Variants in RBMS3 observed in about 807,000 individuals in gnomAD.
RBMS3 encodes the protein RNA binding motif single stranded interacting protein 3.
RBMS3 carries 27 observed loss-of-function variants against 66.8 expected under a neutral mutation model. The ratio of observed to expected loss-of-function variants is 0.40; its 90% CI spans 0.30 to 0.56. The LOEUF (loss-of-function observed/expected upper bound fraction) is 0.56, where lower values mean the gene tolerates loss of function less well. Among genes scored for constraint, RBMS3 ranks in the 20% least tolerant of loss-of-function variants. The pLI is 0.40. For missense variants in RBMS3, 513 were observed against 549.5 expected (o/e 0.93, Z 0.66); for synonymous variants, 188 against 183.0 (o/e 1.03, Z -0.22).
chr3:29,306,159 T>C (rs2033997938), intron 1 of RBMS3, among the ~76,000 whole-genome samples: 1 of 151,948 alleles, frequency 6.6e-6, no homozygotes, highest in African/African-American at 2.4e-5. Flanking sequence ...GTTCCTTGTT[T>C]TCATAATTGC....
intron 4 of RBMS3, among the ~76,000 whole-genome samples, chr3:29,605,636 G>C (rs1367960106): frequency 6.6e-6 from 1 of 151,936 alleles, no homozygotes; most frequent in Non-Finnish European, 1.5e-5. Context: ...TATTTCATAA[G>C]TTGATGAACT....
chr3:29,828,977 A>ACTTTCTTTCTTTCTTTCTTT (rs368382303), intron 6 of RBMS3, among the ~76,000 whole-genome samples: 57 of 98,692 alleles, frequency 5.8e-4, no homozygotes, highest in East Asian at 1.5e-3. Flanking sequence ...TTAGCGAGTG[A>ACTTTCTTTCTTTCTTTCTTT]CTTTCTTTCT....
intron 5 of RBMS3, among the ~76,000 whole-genome samples, chr3:29,762,412 A>G (rs1185682725): frequency 6.6e-6 from 1 of 152,152 alleles, no homozygotes; most frequent in Non-Finnish European, 1.5e-5. Context: ...CTTTTGTGAA[A>G]TCCATCAGCA....
intron 4 of RBMS3, among the ~76,000 whole-genome samples, chr3:29,606,142 G>T (rs773278523): frequency 4.0e-5 from 6 of 151,646 alleles, no homozygotes; most frequent in Admixed American, 3.3e-4. Flanking sequence ...TAAGTCTTTA[G>T]GTTGCTTAAT....
intron 12 of RBMS3, among the ~76,000 whole-genome samples, chr3:29,956,127 A>G (rs1696026623): frequency 6.6e-6 from 1 of 152,120 alleles, no homozygotes; most frequent in African/African-American, 2.4e-5. Context: ...ATAATCTTCA[A>G]GCTACTTTCC....
intron 14 of RBMS3, among the ~76,000 whole-genome samples, chr3:29,995,309 G>C (rs374298808): frequency 6.6e-6 from 1 of 152,148 alleles, no homozygotes; most frequent in Non-Finnish European, 1.5e-5. Context: ...GAAAGTGATG[G>C]GGAGAATGGA....
At chr3:29,927,323 G>T (rs1192843391) in intron 10 of RBMS3, 1 of 152,182 alleles carries the variant, frequency 6.6e-6, no homozygotes, top group Non-Finnish European at 1.5e-5. Flanking sequence ...AAAGTCATCA[G>T]AGACCTGCTG....
At chr3:29,628,244 T>C (rs2049143772) in intron 4 of RBMS3, among the ~76,000 whole-genome samples, 2 of 152,178 alleles carry the variant, frequency 1.3e-5, no homozygotes, top group Admixed American at 6.6e-5. Context: ...GAGTTCATGA[T>C]TTTGTGTAAA....
chr3:29,316,454 G>T (rs2034682273), intron 1 of RBMS3, among the ~76,000 whole-genome samples: 2 of 151,548 alleles, frequency 1.3e-5, no homozygotes, highest in Admixed American at 1.3e-4. Flanking sequence ...AACTTCATAT[G>T]GTAGTTACTA....
chr3:29,625,718 A>G (rs1179487425), intron 4 of RBMS3, among the ~76,000 whole-genome samples: 2 of 148,750 alleles, frequency 1.3e-5, no homozygotes, highest in Non-Finnish European at 3.0e-5. Flanking sequence ...ATAAATAAAT[A>G]AATAAATAAA....
At chr3:29,399,763 G>A (rs751371968) in intron 1 of RBMS3, among the ~76,000 whole-genome samples, 1 of 152,096 alleles carries the variant, frequency 6.6e-6, no homozygotes, top group Admixed American at 6.6e-5. Context: ...ATTATGCCTT[G>A]TTGGCTAGAA....
chr3:29,818,220 G>A (rs1454393092), intron 6 of RBMS3, among the ~76,000 whole-genome samples: 2 of 151,914 alleles, frequency 1.3e-5, no homozygotes, highest in Non-Finnish European at 2.9e-5. Context: ...ACTAGTAAAT[G>A]ACCTAAGAAG....
At chr3:29,628,584 G>T (rs1024121101) in intron 4 of RBMS3, among the ~76,000 whole-genome samples, 2 of 151,924 alleles carry the variant, frequency 1.3e-5, no homozygotes, top group African/African-American at 4.8e-5. Context: ...CTTCTTATAT[G>T]CATCATTATA....
chr3:29,587,980 G>A (rs533769580), intron 4 of RBMS3, among the ~76,000 whole-genome samples: 23 of 151,872 alleles, frequency 1.5e-4, no homozygotes, highest in African/African-American at 3.6e-4. Context: ...ATAAAGTAAC[G>A]TAGAACTATA....
intron 14 of RBMS3, among the ~76,000 whole-genome samples, chr3:29,999,577 C>T (rs1699476822): frequency 6.6e-6 from 1 of 152,064 alleles, no homozygotes; most frequent in African/African-American, 2.4e-5. Flanking sequence ...ACTATGCAGC[C>T]ACAAAAAATG....
intron 4 of RBMS3, among the ~76,000 whole-genome samples, chr3:29,600,726 C>T (rs1415159252): frequency 6.6e-6 from 1 of 151,916 alleles, no homozygotes. Context: ...TATGGCAAAG[C>T]CATCAACTGC....
chr3:29,409,144 T>TA (rs2040155910), intron 1 of RBMS3, among the ~76,000 whole-genome samples: 1 of 152,018 alleles, frequency 6.6e-6, no homozygotes, highest in African/African-American at 2.4e-5. Flanking sequence ...AAATCTCAGT[T>TA]ATTTTCTGTA....
chr3:29,457,895 C>G (rs557866304), intron 2 of RBMS3, among the ~76,000 whole-genome samples: 3 of 150,386 alleles, frequency 2.0e-5, no homozygotes, highest in Non-Finnish European at 4.4e-5. Flanking sequence ...TGTCTTTTGC[C>G]TACAGGCTTT....
At chr3:29,722,522 T>C (rs2053683954) in intron 4 of RBMS3, among the ~76,000 whole-genome samples, 1 of 152,154 alleles carries the variant, frequency 6.6e-6, no homozygotes, top group Non-Finnish European at 1.5e-5. Context: ...TTTGCATTAT[T>C]CCATAAATGT....
Sources: allele counts gnomAD v4.1 joint callset (sites outside exome capture counted in the v4.1 genomes callset), GRCh38; gene constraint gnomAD v4.1.1; transcripts MANE v1.5; gene names NCBI Gene and HGNC (gene_info 2026-07-23, HGNC 2026-07-21).